The following GSTT4 variants were observed in gnomAD, a reference collection of about 807,000 sequenced individuals.
GSTT4 encodes the protein glutathione S-transferase theta-4.
chr22:23,996,959 T>TG (rs1461984829), downstream of GSTT4, among the ~76,000 whole-genome samples: 1 of 152,102 alleles, frequency 6.6e-6, no homozygotes, highest in Non-Finnish European at 1.5e-5. Flanking sequence ...CATCTGGTCC[T>TG]GGGCTTTTCT....
chr22:23,998,907 G>A (rs7291499), intron 4 of GSTT4, among the ~76,000 whole-genome samples, 168 bp from the exon 5 acceptor site: 24,895 of 151,694 alleles, frequency 0.16, 2,184 homozygotes, highest in African/African-American at 0.19. Flanking sequence ...AGATGTAGGT[G>A]GGGATGGAGG....
At position 24,003,830 on chromosome 22, in the gene GSTT4, C is replaced by A; in HGVS notation, c.130G>T (p.Gly44Ter). Residue 44 changes from glycine (G) to a stop codon, truncating the protein, a stop_gained, in exon 2 of 5, where the codon GGA becomes TGA. Transcript: ENST00000621179. LOFTEE classifies it high-confidence loss of function. ...DLLKGHHHSK[G>*]YIDINPLRKL... ...CTGAGGGGGTTGATGTCAATGTATC[C>A]TTTGCTGTGGTGGTGACCTGGGAGG... 1 of 155,928 alleles carries A rather than the reference C, an allele frequency of 6.4e-6. No homozygotes were observed. The allele number at this position is 155,928 out of a possible 1,614,324, so 9.7% of individuals were successfully genotyped here. A position where few individuals can be genotyped will look rare whatever the true frequency, so the allele number is the denominator to read the frequency against.
intron 2 of GSTT4, among the ~76,000 whole-genome samples, chr22:24,002,248 G>A (rs1455424764): frequency 6.6e-6 from 1 of 152,262 alleles, no homozygotes; most frequent in Non-Finnish European, 1.5e-5. Context: ...TGGATGGAGG[G>A]TGAGCCCGAG....
chr22:23,991,858 T>G, the GSTT4 span, among the ~76,000 whole-genome samples: 1 of 127,386 alleles, frequency 7.9e-6, no homozygotes. Context: ...ATCGAGACCA[T>G]ACTGGCTAAA....
At chr22:24,005,026 G>C in intron 1 of GSTT4, 1 of 152,130 alleles carries the variant, frequency 6.6e-6, no homozygotes, top group Non-Finnish European at 1.5e-5. Flanking sequence ...TTAGCTGGGC[G>C]TGGTGGCATG....
Position 23,998,462 on chromosome 22 carries a change from T to G in GSTT4, c.*80A>C, listed in dbSNP as rs2154606. 2.8e-5 allele frequency: 1 copy of G among 35,390 alleles called. No individual in the cohort carries two copies. The allele number at this position is 35,390 out of a possible 1,614,324, so 2.2% of individuals were successfully genotyped here. On this transcript the variant is annotated 3_prime_UTR_variant, in exon 5 of 5. Coordinates refer to ENST00000621179, the MANE Select transcript of GSTT4 (RefSeq NM_001358664.2). The stretch of plus-strand genomic sequence containing the variant: ...GTTGTTTTTTTGTTTTTTTGTTTTT[T>G]TTTTTTTAACATTTCCTTTAAGGAA...
downstream of GSTT4, among the ~76,000 whole-genome samples, chr22:23,997,119 A>G (rs1483324445): frequency 1.3e-5 from 2 of 152,130 alleles, no homozygotes; most frequent in African/African-American, 4.8e-5. Flanking sequence ...TTGTCCACAT[A>G]TAGTTATTCA....
chr22:23,995,526 A>G (rs545226425), downstream of GSTT4, among the ~76,000 whole-genome samples: 1 of 152,322 alleles, frequency 6.6e-6, no homozygotes, highest in East Asian at 1.9e-4. Context: ...AGACCCTGAG[A>G]TTCTATTTTT....
the GSTT4 span, chr22:23,991,524 G>A: frequency 3.0e-5 from 2 of 66,722 alleles, 1 homozygote; most frequent in Non-Finnish European, 6.2e-5. Flanking sequence ...CAGGAACTGC[G>A]GGCAGGAATG....
the GSTT4 span, among the ~76,000 whole-genome samples, chr22:23,991,043 C>A: frequency 2.1e-5 from 2 of 95,384 alleles, no homozygotes; most frequent in East Asian, 2.5e-4. Flanking sequence ...CCAGGCATGT[C>A]GGTGGGCACC....
rs575868231 is a variant in GSTT4 at position 24,002,921 on chromosome 22, G to C, written c.200+839C>G. ...GAGATAATCATAGAGTTTTGAACAG[G>C]AGCCACATATTAGATGAAATCCAGG... is the stretch of plus-strand genomic sequence containing the variant. On this transcript the variant is annotated intron_variant, in intron 2 of 4. Coordinates refer to ENST00000621179, the MANE Select transcript of GSTT4 (RefSeq NM_001358664.2). Among the ~76,000 whole-genome samples the C allele has an allele frequency of 3.3e-4, 51 of 152,290 alleles. No individual in the cohort carries two copies. The South Asian group carries it at 0.01, about 31-fold the overall frequency.
At chr22:23,990,453 C>CAAAAAAAAAAAAAAAAAAA in the GSTT4 span, among the ~76,000 whole-genome samples, 5 of 29,972 alleles carry the variant, frequency 1.7e-4, no homozygotes, top group East Asian at 5.6e-4. Flanking sequence ...CTACACACAC[C>CAAAAAAAAAAAAAAAAAAA]AAAAAAAAAA....
intron 2 of GSTT4, among the ~76,000 whole-genome samples, chr22:24,002,780 A>C (rs1042777755): frequency 4.7e-4 from 20 of 42,888 alleles, no homozygotes; most frequent in African/African-American, 1.1e-3. Context: ...GCAGTGAGCC[A>C]AGATAGCGCC....
downstream of GSTT4, among the ~76,000 whole-genome samples, chr22:23,994,462 C>T (rs1482858865): frequency 6.6e-6 from 1 of 151,362 alleles, no homozygotes; most frequent in African/African-American, 2.4e-5. Context: ...CTTTCTACCT[C>T]TGTGGATAGG....
chr22:23,991,035 A>G, the GSTT4 span, among the ~76,000 whole-genome samples: 1,056 of 73,662 alleles, frequency 0.014, 3 homozygotes, highest in Middle Eastern at 0.031. Context: ...TAAATTGGCC[A>G]GGCATGTCGG....
intron 4 of GSTT4, among the ~76,000 whole-genome samples, chr22:23,999,696 C>G (rs1231558566): frequency 2.9e-5 from 4 of 139,234 alleles, no homozygotes; most frequent in Middle Eastern, 3.5e-3. Flanking sequence ...CTCTGGGAAA[C>G]AGGCAGGGCC....
chr22:23,991,877 A>C, the GSTT4 span, among the ~76,000 whole-genome samples: 37 of 127,704 alleles, frequency 2.9e-4, no homozygotes, highest in South Asian at 9.0e-4. Context: ...AAACGGTGAA[A>C]CCCGTCTCTA....
the GSTT4 span, among the ~76,000 whole-genome samples, chr22:23,991,807 C>T: frequency 7.2e-6 from 1 of 139,266 alleles, no homozygotes. Flanking sequence ...GTAATCCCAG[C>T]ACTTTGGGAG....
the GSTT4 span, among the ~76,000 whole-genome samples, chr22:23,993,321 C>T: frequency 0.011 from 1,687 of 150,662 alleles, no homozygotes; most frequent in Non-Finnish European, 0.018. Flanking sequence ...CCTTGTCCTC[C>T]CAAAGTGTTG....
Sources: gnomAD v4.1 joint callset for allele counts (sites outside exome capture counted in the v4.1 genomes callset) on GRCh38, gnomAD v4.1.1 for gene constraint, MANE v1.5 for transcripts, NCBI Gene and HGNC (gene_info 2026-07-23, HGNC 2026-07-21) for gene names.